ARHGAP15: variants seen among roughly 807,000 people sequenced by gnomAD.
ARHGAP15 encodes the protein Rho GTPase activating protein 15.
Under a neutral mutation model 63.7 loss-of-function variants are expected in ARHGAP15, and 51 were observed. That is an observed-to-expected ratio of 0.80 (90% CI 0.64 to 1.01). The LOEUF is 1.01. ARHGAP15 is among the 50% of genes least tolerant of loss of function. The pLI is 0.00. For synonymous variants in ARHGAP15, 191 were observed against 193.8 expected (o/e 0.99, Z 0.12); for missense variants, 560 against 564.6 (o/e 0.99, Z 0.08).
chr2:143,288,182 G>A (rs1013644767), intron 6 of ARHGAP15, among the ~76,000 whole-genome samples: 7 of 152,174 alleles, frequency 4.6e-5, no homozygotes, highest in African/African-American at 1.7e-4. Flanking sequence ...GACAGAAGGT[G>A]TCATTCAAGG....
chr2:143,397,293 G>A (rs1687803945), intron 6 of ARHGAP15, among the ~76,000 whole-genome samples: 1 of 149,896 alleles, frequency 6.7e-6, no homozygotes, highest in Non-Finnish European at 1.5e-5. Flanking sequence ...GACAAATATG[G>A]ACAATAATAA....
At chr2:143,291,356 A>C (rs1285368779) in intron 6 of ARHGAP15, among the ~76,000 whole-genome samples, 1 of 152,072 alleles carries the variant, frequency 6.6e-6, no homozygotes, top group Non-Finnish European at 1.5e-5. Context: ...ATGGAAAAGC[A>C]GCAGACATGT....
chr2:143,215,075 C>T (rs1289309111), intron 3 of ARHGAP15, among the ~76,000 whole-genome samples: 1 of 152,028 alleles, frequency 6.6e-6, no homozygotes, highest in African/African-American at 2.4e-5. Flanking sequence ...CAGTTTTTTG[C>T]CTTTGATGGA....
At chr2:143,295,677 T>C (rs1682603410) in intron 6 of ARHGAP15, 1 of 152,018 alleles carries the variant, frequency 6.6e-6, no homozygotes, top group Admixed American at 6.6e-5. Context: ...ACGGTGTTTG[T>C]AGCAGCCGGT....
At chr2:143,204,667 C>T (rs1421849152) in intron 3 of ARHGAP15, among the ~76,000 whole-genome samples, 1 of 152,012 alleles carries the variant, frequency 6.6e-6, no homozygotes, top group African/African-American at 2.4e-5. Flanking sequence ...TAGTCTACCC[C>T]AGGTAAATGC....
intron 11 of ARHGAP15, among the ~76,000 whole-genome samples, chr2:143,604,361 G>A (rs1246717031): frequency 5.3e-5 from 8 of 152,166 alleles, no homozygotes; most frequent in Admixed American, 5.2e-4. Context: ...TTGTGTGTGT[G>A]CACTGTTCTT....
chr2:143,583,619 C>A (rs1445111191), intron 11 of ARHGAP15, among the ~76,000 whole-genome samples: 1 of 152,040 alleles, frequency 6.6e-6, no homozygotes, highest in African/African-American at 2.4e-5. Flanking sequence ...CTTAGAGAAA[C>A]CAAAAATTAC....
At chr2:143,250,734 A>T in intron 6 of ARHGAP15, 134 bp downstream of exon 6, 5 of 646,478 alleles carry the variant, frequency 7.7e-6, no homozygotes, top group East Asian at 3.0e-5. Context: ...ATGAAAGGCG[A>T]CTCCTCTTCC....
chr2:143,324,499 C>T (rs1684168803), intron 6 of ARHGAP15, among the ~76,000 whole-genome samples: 1 of 152,124 alleles, frequency 6.6e-6, no homozygotes. Context: ...TATTTATTTG[C>T]ACCGTATTTT....
chr2:143,326,097 T>C (rs9653184), intron 6 of ARHGAP15, among the ~76,000 whole-genome samples: 18,911 of 152,202 alleles, frequency 0.12, 1,536 homozygotes, highest in Non-Finnish European at 0.16. Flanking sequence ...ATTGCTTACA[T>C]GTTTATTATA....
At chr2:143,201,215 T>C (rs180705861) in intron 2 of ARHGAP15, among the ~76,000 whole-genome samples, 227 of 151,858 alleles carry the variant, frequency 1.5e-3, no homozygotes, top group South Asian at 3.5e-3. Flanking sequence ...CTCAAGTGAT[T>C]CTCCCACTTG....
intron 11 of ARHGAP15, among the ~76,000 whole-genome samples, chr2:143,605,706 T>C (rs1405763879): frequency 6.6e-6 from 1 of 151,450 alleles, no homozygotes; most frequent in African/African-American, 2.4e-5. Flanking sequence ...AGGGAGCCAA[T>C]TGAAACCTAC....
intron 6 of ARHGAP15, among the ~76,000 whole-genome samples, chr2:143,329,166 C>A (rs1399229039): frequency 6.6e-6 from 1 of 152,126 alleles, no homozygotes; most frequent in Non-Finnish European, 1.5e-5. Context: ...GTTCCCTGGT[C>A]TTATGTCTGT....
At chr2:143,690,524 G>C (rs1335366145) in intron 12 of ARHGAP15, among the ~76,000 whole-genome samples, 2 of 152,142 alleles carry the variant, frequency 1.3e-5, no homozygotes. Flanking sequence ...TTTATTTTTA[G>C]TCCTGCCATT....
chr2:143,727,434 T>TA (rs1559147783), intron 13 of ARHGAP15, among the ~76,000 whole-genome samples: 3 of 151,438 alleles, frequency 2.0e-5, no homozygotes, highest in Non-Finnish European at 4.4e-5. Flanking sequence ...AAGAAACTTT[T>TA]AAAAAAATAA....
At chr2:143,299,470 A>G (rs1443030184) in intron 6 of ARHGAP15, among the ~76,000 whole-genome samples, 1 of 151,984 alleles carries the variant, frequency 6.6e-6, no homozygotes, top group Non-Finnish European at 1.5e-5. Context: ...ATAAACATAT[A>G]TTACATTATG....
chr2:143,319,059 C>T (rs1024289831), intron 6 of ARHGAP15, among the ~76,000 whole-genome samples: 12 of 152,018 alleles, frequency 7.9e-5, no homozygotes, highest in African/African-American at 2.7e-4. Context: ...CTACTTTTCC[C>T]CTTAATATTC....
intron 2 of ARHGAP15, among the ~76,000 whole-genome samples, chr2:143,182,112 C>T (rs1161143075): frequency 6.6e-6 from 1 of 151,934 alleles, no homozygotes; most frequent in Admixed American, 6.6e-5. Context: ...TACAGGTACT[C>T]AGCACCATGC....
intron 6 of ARHGAP15, among the ~76,000 whole-genome samples, chr2:143,374,657 C>G (rs1040391704): frequency 6.6e-6 from 1 of 152,076 alleles, no homozygotes; most frequent in African/African-American, 2.4e-5. Context: ...CATGCACCAC[C>G]ACACCTGGCT....
Sources: allele counts gnomAD v4.1 joint callset (sites outside exome capture counted in the v4.1 genomes callset), GRCh38; gene constraint gnomAD v4.1.1; transcripts MANE v1.5; gene names NCBI Gene and HGNC (gene_info 2026-07-23, HGNC 2026-07-21).